PLEKHA5: variants seen among roughly 807,000 people sequenced by gnomAD.
The protein encoded by PLEKHA5 is pleckstrin homology domain-containing family A member 5.
A neutral mutation model predicts 181.9 loss-of-function variants in PLEKHA5; 55 were observed. The ratio of observed to expected loss-of-function variants is 0.30; its 90% CI spans 0.24 to 0.38. The LOEUF (loss-of-function observed/expected upper bound fraction) is 0.38. Ranked by LOEUF, PLEKHA5 falls within the 10% of genes least tolerant of loss-of-function variation. The probability of loss-of-function intolerance (pLI) is 1.00; values close to 1 mark genes in which losing one functional copy is unlikely to be tolerated. For synonymous variants in PLEKHA5, 535 were observed against 529.4 expected, an observed-to-expected ratio of 1.01 and a Z score of -0.15; for missense variants, 1,432 against 1,549.5, an observed-to-expected ratio of 0.92 and a Z score of 1.27.
chr12:19,153,970 T>C (rs906760074), intron 3 of PLEKHA5: 3 of 152,172 alleles, frequency 2.0e-5, no homozygotes, highest in Non-Finnish European at 2.9e-5. Context: ...TATTATAGTT[T>C]TCAAATGTTG....
chr12:19,276,472 G>T (rs774104688), intron 11 of PLEKHA5, among the ~76,000 whole-genome samples: 2 of 152,154 alleles, frequency 1.3e-5, no homozygotes, highest in Non-Finnish European at 1.5e-5. Flanking sequence ...GGGCAGTTCA[G>T]TTGAGGCCAG....
At chr12:19,374,615 CGCCA>C (rs2095667561) in intron 31 of PLEKHA5, among the ~76,000 whole-genome samples, 1 of 101,262 alleles carries the variant, frequency 9.9e-6, no homozygotes, top group Non-Finnish European at 1.9e-5. Flanking sequence ...GCCAAGATTG[CGCCA>C]CTGCACTCCA....
At position 19,274,589 on chromosome 12, in the gene PLEKHA5, A is replaced by G. The variant is rs1232315508; in HGVS notation, c.919A>G (p.Lys307Glu). 1 of 1,613,642 alleles carries G rather than the reference A, an allele frequency of 6.2e-7. No individual in the cohort carries two copies. The highest frequency in any genetic ancestry group is 1.3e-5 in the African/African-American group (1 of 74,916). Residue 307 changes from lysine to glutamate, a missense_variant, in exon 11 of 32, where the codon AAA becomes GAA. Coordinates refer to ENST00000429027, the MANE Select transcript of PLEKHA5 (RefSeq NM_001256470.2). Reference protein sequence around the residue: ...NNIPNHRVLIKPEIQNNQKNK... With the variant: ...NNIPNHRVLIEPEIQNNQKNK... ...CATTCCCAACCATAGAGTGCTAATT[A>G]AACCAGAGATCCAAAACAATCAAAA... is the stretch of plus-strand genomic sequence containing the variant.
At chr12:19,321,765 A>G (rs1355763043) in intron 18 of PLEKHA5, 2 of 152,060 alleles carry the variant, frequency 1.3e-5, no homozygotes, top group East Asian at 3.8e-4. Context: ...ATAAATGGCA[A>G]AGAAAGTAAA....
chr12:19,291,658 A>G lies in PLEKHA5; in HGVS notation c.1998A>G (p.Ser666=). ...GTGCCTACTAGAATGAAATTCTTTC[A>G]CATCATCTCCAAAGGAACACCATAT... is the stretch of plus-strand genomic sequence containing the variant. ...EAHSPKNEIL[S]HHLQRNTIYL... Residue 666 remains serine, a synonymous_variant, in exon 15 of 32, where the codon TCA becomes TCG. Transcript: ENST00000429027. The G allele has an allele frequency of 6.6e-7, 1 of 1,517,534 alleles. No homozygotes were observed. The highest frequency in any genetic ancestry group is 8.8e-7 in the Non-Finnish European group (1 of 1,131,104). The allele number at this position is 1,517,534 out of a possible 1,614,324, so 94.0% of individuals were successfully genotyped here.
chr12:19,269,943 G>A, intron 9 of PLEKHA5, 58 bp downstream of exon 9: 3 of 925,712 alleles, frequency 3.2e-6, no homozygotes, highest in South Asian at 2.8e-5. Context: ...TCCATGCCTT[G>A]CAAGTATTTC....
At chr12:19,208,732 G>C (rs1592070554) in intron 3 of PLEKHA5, among the ~76,000 whole-genome samples, 1 of 151,992 alleles carries the variant, frequency 6.6e-6, no homozygotes, top group Non-Finnish European at 1.5e-5. Flanking sequence ...CAGATCTAGG[G>C]GCAAGACTTC....
intron 3 of PLEKHA5, among the ~76,000 whole-genome samples, chr12:19,219,218 C>T (rs900838377): frequency 5.9e-5 from 9 of 151,996 alleles, no homozygotes; most frequent in Admixed American, 3.3e-4. Flanking sequence ...TGGGTTTACA[C>T]GGGGGTGATG....
At chr12:19,241,782 A>G (rs2062662546) in intron 3 of PLEKHA5, among the ~76,000 whole-genome samples, 1 of 152,120 alleles carries the variant, frequency 6.6e-6, no homozygotes, top group African/African-American at 2.4e-5. Flanking sequence ...AGAAAAGAAA[A>G]ATAAATTGTA....
Position 19,364,415 on chromosome 12 carries a change from G to T in PLEKHA5, c.3609-1549G>T, listed in dbSNP as rs148039497. Among the ~76,000 whole-genome samples the T allele has an allele frequency of 6.8e-3, 1,027 of 151,886 alleles. 10 individuals are homozygous for T. The highest frequency in any genetic ancestry group is 0.023 in the African/African-American group (973 of 41,468). ...AATCCCACCTGCTTGTGAGACTGAGGCACAAGAATTGCTTGAGCCAGGGAG... is the reference window on the plus strand; with the variant it reads ...AATCCCACCTGCTTGTGAGACTGAGTCACAAGAATTGCTTGAGCCAGGGAG... On this transcript the variant is annotated intron_variant, in intron 29 of 31. Transcript: ENST00000429027.
chr12:19,335,717 T>C (rs976967920), intron 20 of PLEKHA5, among the ~76,000 whole-genome samples: 50 of 151,640 alleles, frequency 3.3e-4, no homozygotes, highest in African/African-American at 1.2e-3. Flanking sequence ...CTGCAACCTC[T>C]GCTTCCTAGG....
chr12:19,269,915 T>A, intron 9 of PLEKHA5, 30 bp downstream of exon 9: 1 of 1,142,176 alleles, frequency 8.8e-7, no homozygotes. Context: ...ATGATGGTGA[T>A]TTCCACTTCC....
intron 5 of PLEKHA5, 94 bp from the exon 6 acceptor site, chr12:19,257,339 A>ATTC (rs2067143934): frequency 1.6e-6 from 1 of 625,012 alleles, no homozygotes; most frequent in Non-Finnish European, 2.8e-6. Context: ...AAGTCTTGGG[A>ATTC]AAATCTGAAA....
intron 3 of PLEKHA5, chr12:19,151,688 A>C (rs2040423092): frequency 6.6e-6 from 1 of 152,116 alleles, no homozygotes; most frequent in African/African-American, 2.4e-5. Flanking sequence ...CCAAATGTAA[A>C]CTCTTTAGAG....
intron 3 of PLEKHA5, among the ~76,000 whole-genome samples, chr12:19,223,589 A>C (rs2059295328): frequency 6.6e-6 from 1 of 152,176 alleles, no homozygotes. Flanking sequence ...ATAGTATATA[A>C]AATGATTTTT....
At chr12:19,275,093 T>TTA (rs2074112978) in intron 11 of PLEKHA5, 110 bp downstream of exon 11, 1 of 668,074 alleles carries the variant, frequency 1.5e-6, no homozygotes, top group Non-Finnish European at 2.5e-6. Flanking sequence ...GTTTTAGCTG[T>TTA]TATAGCTTCA....
chr12:19,372,767 CT>C (rs2095615426), intron 31 of PLEKHA5: 1 of 149,810 alleles, frequency 6.7e-6, no homozygotes, highest in South Asian at 2.1e-4. Context: ...TTTCTTTTTT[CT>C]TTTTTCTTTT....
At chr12:19,268,136 G>A (rs1014821767) in intron 8 of PLEKHA5, among the ~76,000 whole-genome samples, 1 of 152,096 alleles carries the variant, frequency 6.6e-6, no homozygotes, top group Non-Finnish European at 1.5e-5. Context: ...AAAATAAACT[G>A]TATCAACAGT....
chr12:19,200,230 TA>T (rs2053885070), intron 3 of PLEKHA5: 2 of 827,280 alleles, frequency 2.4e-6, no homozygotes, highest in African/African-American at 3.4e-5. Context: ...GCAACAAAAG[TA>T]TCACCCATCC....
Sources: allele counts gnomAD v4.1 joint callset (sites outside exome capture counted in the v4.1 genomes callset), GRCh38; gene constraint gnomAD v4.1.1; transcripts MANE v1.5; gene names NCBI Gene and HGNC (gene_info 2026-07-23, HGNC 2026-07-21).